SKAP2: variants seen among roughly 807,000 people sequenced by gnomAD.
SKAP2 encodes the protein src kinase associated phosphoprotein 2.
SKAP2 carries 28 observed loss-of-function variants against 54.9 expected under a neutral mutation model. The ratio of observed to expected loss-of-function variants is 0.51; its 90% CI spans 0.38 to 0.70. SKAP2 has a LOEUF of 0.70. Among genes scored for constraint, SKAP2 ranks in the 30% least tolerant of loss-of-function variants. The pLI, the probability that SKAP2 is intolerant of heterozygous loss-of-function variation, is 0.00. For missense variants in SKAP2, 356 were observed against 424.1 expected, an observed-to-expected ratio of 0.84 and a Z score of 1.41; for synonymous variants, 137 against 134.3, an observed-to-expected ratio of 1.02 and a Z score of -0.14.
chr7:26,823,186 A>G (rs28816386), intron 4 of SKAP2, among the ~76,000 whole-genome samples: 32,300 of 151,700 alleles, frequency 0.21, 3,514 homozygotes, highest in Non-Finnish European at 0.24. Context: ...AGCACTTTGG[A>G]AGGCCGAGGC....
the SKAP2 span, among the ~76,000 whole-genome samples, chr7:26,659,083 T>C: frequency 2.6e-5 from 4 of 152,196 alleles, no homozygotes; most frequent in Admixed American, 2.6e-4. Flanking sequence ...CGACGTGATA[T>C]CATAATTCTG....
chr7:26,760,187 G>A (rs6968602), intron 4 of SKAP2, among the ~76,000 whole-genome samples: 2,463 of 151,934 alleles, frequency 0.016, 63 homozygotes, highest in African/African-American at 0.055. Flanking sequence ...CATATTCCAC[G>A]AATCCTTGGA....
At chr7:26,710,607 G>T (rs1787279294) in intron 9 of SKAP2, among the ~76,000 whole-genome samples, 1 of 152,184 alleles carries the variant, frequency 6.6e-6, no homozygotes, top group African/African-American at 2.4e-5. Context: ...GTTAAAATTG[G>T]AGAAGTGTTG....
chr7:26,682,870 C>A (rs1562573929), intron 11 of SKAP2, among the ~76,000 whole-genome samples: 1 of 152,148 alleles, frequency 6.6e-6, no homozygotes, highest in African/African-American at 2.4e-5. Flanking sequence ...CTTTTAATTT[C>A]ATGTTAACTG....
At chr7:26,683,887 A>G (rs1463541335) in intron 11 of SKAP2, among the ~76,000 whole-genome samples, 1 of 152,176 alleles carries the variant, frequency 6.6e-6, no homozygotes, top group African/African-American at 2.4e-5. Flanking sequence ...AACCTCCTAG[A>G]CTTATGATTT....
chr7:26,726,799 G>T (rs1282502545), intron 7 of SKAP2, 83 bp downstream of exon 7: 2 of 1,083,634 alleles, frequency 1.8e-6, no homozygotes, highest in Non-Finnish European at 2.6e-6. Context: ...GTCAAGGAAA[G>T]TATTAATCAA....
chr7:26,824,554 C>T (rs17315929), intron 4 of SKAP2, among the ~76,000 whole-genome samples: 32,330 of 152,098 alleles, frequency 0.21, 3,516 homozygotes, highest in Non-Finnish European at 0.24. Flanking sequence ...GTTTGAGACC[C>T]TTGTTCTAGA....
rs7802514 is a variant in SKAP2 at position 26,803,833 on chromosome 7, T to G, written c.307+40197A>C. Among the ~76,000 whole-genome samples the G allele has an allele frequency of 2.0e-5, 3 of 152,006 alleles. No individual in the cohort carries two copies. In the South Asian group the frequency reaches 6.2e-4, roughly 32 times the overall value. The stretch of plus-strand genomic sequence containing the variant: ...TCATTTGCAACAACATGGATGGAAC[T>G]GGAAATCATTATGTTAAGTGAAATA... On this transcript the variant is annotated intron_variant, in intron 4 of 12. Transcript: ENST00000345317.
chr7:26,695,533 A>C (rs1437895136), intron 9 of SKAP2, among the ~76,000 whole-genome samples: 4 of 152,186 alleles, frequency 2.6e-5, no homozygotes, highest in Admixed American at 1.3e-4. Context: ...ATATGCCTTA[A>C]CTCTAAGCCA....
intron 4 of SKAP2, among the ~76,000 whole-genome samples, chr7:26,756,409 T>C (rs1325805934): frequency 6.6e-6 from 1 of 152,222 alleles, no homozygotes; most frequent in Non-Finnish European, 1.5e-5. Flanking sequence ...TTCTCACCTA[T>C]GAGTGAGAAC....
At chr7:26,788,860 T>C (rs1308721463) in intron 4 of SKAP2, among the ~76,000 whole-genome samples, 1 of 152,154 alleles carries the variant, frequency 6.6e-6, no homozygotes, top group African/African-American at 2.4e-5. Context: ...CAAAGTTCTA[T>C]GGTATACAAA....
chr7:26,670,135 G>T lies in SKAP2; in HGVS notation c.1045C>A (p.Pro349Thr). Reference protein sequence around the residue: ...GEMKGAIGLVPKAYIMEMYDI With the variant: ...GEMKGAIGLVTKAYIMEMYDI ...TACATCTCCATTATGTAGGCTTTAG[G>T]CACCAAGCCAATGGCTCCCTTCATT... Residue 349 changes from proline (P) to threonine (T), a missense_variant, in exon 12 of 13, where the codon CCT becomes ACT. By Grantham distance (38) the Pro-to-Thr change is conservative. Transcript: ENST00000345317. 6 of 1,577,872 alleles carry T rather than the reference G, an allele frequency of 3.8e-6. No individual in the cohort carries two copies. The highest frequency in any genetic ancestry group is 5.2e-6 in the Non-Finnish European group (6 of 1,147,402).
chr7:26,712,106 A>T (rs1253821495), intron 9 of SKAP2, among the ~76,000 whole-genome samples: 1 of 152,204 alleles, frequency 6.6e-6, no homozygotes, highest in African/African-American at 2.4e-5. Context: ...TATAGGTTGA[A>T]TATTCCTCAT....
intron 4 of SKAP2, among the ~76,000 whole-genome samples, chr7:26,756,728 A>G (rs1292706045): frequency 6.6e-6 from 1 of 152,162 alleles, no homozygotes; most frequent in Non-Finnish European, 1.5e-5. Context: ...TGGTATTTCT[A>G]GTTCTAGATC....
chr7:26,662,541 G>C (rs1340231453), downstream of SKAP2, among the ~76,000 whole-genome samples: 2 of 152,002 alleles, frequency 1.3e-5, no homozygotes, highest in Non-Finnish European at 2.9e-5. Context: ...AATCTACTTG[G>C]GAAAGACTAT....
At chr7:26,789,413 A>G (rs945177193) in intron 4 of SKAP2, among the ~76,000 whole-genome samples, 7 of 152,188 alleles carry the variant, frequency 4.6e-5, no homozygotes, top group South Asian at 2.1e-4. Flanking sequence ...CATGTAACCA[A>G]TTTTGTTTTA....
chr7:26,839,667 T>C (rs1784781982), intron 4 of SKAP2, among the ~76,000 whole-genome samples: 1 of 152,112 alleles, frequency 6.6e-6, no homozygotes, highest in Non-Finnish European at 1.5e-5. Flanking sequence ...AAAACCTTTT[T>C]TTCCAGTTTT....
At chr7:26,694,439 TGTTAGAAGAATCATCAGGAG>T (rs1786853178) in intron 9 of SKAP2, among the ~76,000 whole-genome samples, 1 of 151,420 alleles carries the variant, frequency 6.6e-6, no homozygotes, top group Non-Finnish European at 1.5e-5. Context: ...AATCACACAT[TGTTAGAAGAATCATCAGGAG>T]ATTTTTTTTT....
At chr7:26,756,509 A>T (rs969202253) in intron 4 of SKAP2, among the ~76,000 whole-genome samples, 3 of 152,166 alleles carry the variant, frequency 2.0e-5, no homozygotes, top group Non-Finnish European at 4.4e-5. Flanking sequence ...ACATGAACTC[A>T]TCCTTTTTTA....
Sources: gnomAD v4.1 joint callset for allele counts (sites outside exome capture counted in the v4.1 genomes callset) on GRCh38, gnomAD v4.1.1 for gene constraint, MANE v1.5 for transcripts, NCBI Gene and HGNC (gene_info 2026-07-23, HGNC 2026-07-21) for gene names.